Variants in ERO1B observed in about 807,000 individuals in gnomAD.
ERO1B encodes endoplasmic reticulum oxidoreductase 1 beta, also known as ERO1-like protein beta.
Under a neutral mutation model 75.3 loss-of-function variants are expected in ERO1B, and 49 were observed. That is an observed-to-expected ratio of 0.65 (90% confidence interval 0.52 to 0.83). ERO1B has a LOEUF of 0.83. Ranked by LOEUF, ERO1B falls within the 40% of genes least tolerant of loss-of-function variation. ERO1B has a pLI of 0.00. For missense variants in ERO1B, 512 were observed against 560.1 expected (o/e 0.91, Z 0.87); for synonymous variants, 191 against 192.9 (o/e 0.99, Z 0.08).
intron 6 of ERO1B, 37 bp from the exon 7 acceptor site, chr1:236,236,435 T>TC (rs1182187824): frequency 1.2e-6 from 2 of 1,607,886 alleles, no homozygotes; most frequent in Admixed American, 1.7e-5. Flanking sequence ...CATCCATATT[T>TC]CACCATTTAT....
At chr1:236,262,914 T>C (rs1726666) in intron 2 of ERO1B, among the ~76,000 whole-genome samples, 37,852 of 151,948 alleles carry the variant, frequency 0.25, 4,899 homozygotes, top group East Asian at 0.38. Flanking sequence ...TGGATCCTTA[T>C]TTCCTCTGGT....
chr1:236,228,214 T>C (rs954984986), intron 10 of ERO1B, among the ~76,000 whole-genome samples: 3 of 152,210 alleles, frequency 2.0e-5, no homozygotes, highest in African/African-American at 7.2e-5. Context: ...GAGGCAGTTA[T>C]AATTTGCAAA....
intron 8 of ERO1B, among the ~76,000 whole-genome samples, chr1:236,233,122 C>T (rs1034042794): frequency 5.9e-5 from 9 of 151,842 alleles, no homozygotes; most frequent in Admixed American, 5.3e-4. Context: ...CCAGCCTGGC[C>T]AACATGTGAA....
intron 14 of ERO1B, 55 bp downstream of exon 14, chr1:236,221,869 C>T: frequency 7.5e-7 from 1 of 1,324,802 alleles, no homozygotes; most frequent in Non-Finnish European, 1.1e-6. Context: ...AGCTTGGACT[C>T]AGTGGAAAAA....
In ERO1B at chr1:236,235,866, G is replaced by T. The variant is rs765732219; in HGVS notation, c.627-31C>A. On this transcript the variant is annotated intron_variant, in intron 7 of 15. Transcript: ENST00000354619. ...AAAGAAAGCATAATACCCAAACATA[G>T]AATGTTTTAACTTTTATAGTGTATA... The T allele has an allele frequency of 6.3e-6, 10 of 1,582,628 alleles. No individual in the cohort carries two copies. In the African/African-American group the frequency reaches 9.5e-5, roughly 15 times the overall value.
Position 236,220,828 on chromosome 1 carries a change from T to C in ERO1B, c.1343+4A>G, listed in dbSNP as rs199589932. 1,228 of 1,579,374 alleles carry C rather than the reference T, an allele frequency of 7.8e-4. 4 individuals carry two copies. The highest frequency in any genetic ancestry group is 6.4e-4 in the Non-Finnish European group (752 of 1,168,000). ...AAAAATCTTCAACATATAATGGTTC[T>C]TACCTTCCAAAAGCATTTAAAAGAG... On this transcript the variant is annotated splice_donor_region_variant and intron_variant, in intron 15 of 15. Transcript: ENST00000354619.
chr1:236,238,924 C>G (rs1418847557), intron 6 of ERO1B, among the ~76,000 whole-genome samples: 1 of 151,946 alleles, frequency 6.6e-6, no homozygotes, highest in Non-Finnish European at 1.5e-5. Flanking sequence ...TAAAAAATCA[C>G]AAGAGGAAAA....
rs1553371310 is a variant in ERO1B at position 236,239,911 on chromosome 1, A to ATATTTTTT, written c.505+3510_505+3511insAAAAAATA. ...TGTGTGTATATATATATATATATAT[A>ATATTTTTT]TTTTTTTTTTTTGCGATGAGGCTGA... On this transcript the variant is annotated intron_variant, in intron 6 of 15. Transcript: ENST00000354619. 3.9e-4 allele frequency among the ~76,000 whole-genome samples: 42 copies of ATATTTTTT among 106,942 alleles called. No homozygotes were observed. In the East Asian group the frequency reaches 6.2e-3, roughly 16 times the overall value. The allele number at this position is 106,942 out of a possible 152,430, so 70.2% of individuals were successfully genotyped here. A position where few individuals can be genotyped will look rare whatever the true frequency, so the allele number is the denominator to read the frequency against.
intron 1 of ERO1B, among the ~76,000 whole-genome samples, chr1:236,281,257 C>A (rs1665822182): frequency 6.6e-6 from 1 of 152,076 alleles, no homozygotes. Flanking sequence ...CTGCGGAGTG[C>A]CCCCAACTCT....
rs1176743514 is a variant in ERO1B, at chr1:236,217,958, T to C, written c.*558A>G. ...GGGAATCTTCAGGAATTTCTGTAAC[T>C]ATGCATTGAAAGGGCCATTCATCAT... is the stretch of plus-strand genomic sequence containing the variant. On this transcript the variant is annotated 3_prime_UTR_variant, in exon 16 of 16. Coordinates refer to ENST00000354619, the MANE Select transcript of ERO1B (RefSeq NM_019891.4). The C allele has an allele frequency of 2.0e-5, 3 of 152,188 alleles. No individual in the cohort carries two copies. Among genetic ancestry groups the C allele is most frequent in the Non-Finnish European group, 2.9e-5 (2 of 68,012 alleles). The allele number at this position is 152,188 out of a possible 1,614,324, so 9.4% of individuals were successfully genotyped here.
In ERO1B at chr1:236,239,861, A is replaced by ATATATATATGTGTGTATATATATATG. The variant is rs1664648570; in HGVS notation, c.506-3464_506-3463insCATATATATATACACACATATATATA. 2.6e-3 allele frequency among the ~76,000 whole-genome samples: 70 copies of ATATATATATGTGTGTATATATATATG among 27,174 alleles called. 6 individuals are homozygous for ATATATATATGTGTGTATATATATATG. The highest frequency in any genetic ancestry group is 3.3e-3 in the Non-Finnish European group (56 of 17,140). The allele number at this position is 27,174 out of a possible 152,430, so 17.8% of individuals were successfully genotyped here. ...TGTATATATATATGTGTATATATGT[A>ATATATATATGTGTGTATATATATATG]TATATATATGTGTATATGTGTGTGT... is the stretch of plus-strand genomic sequence containing the variant. On this transcript the variant is annotated intron_variant, in intron 6 of 15. Coordinates refer to ENST00000354619, the MANE Select transcript of ERO1B (RefSeq NM_019891.4).
intron 2 of ERO1B, among the ~76,000 whole-genome samples, chr1:236,256,349 A>G (rs781515900): frequency 3.3e-5 from 5 of 152,102 alleles, no homozygotes; most frequent in African/African-American, 4.8e-5. Context: ...TGCAAGGTGC[A>G]TGTGAGACTT....
chr1:236,275,525 TTCCCCAAC>T (rs1390173971), intron 1 of ERO1B, among the ~76,000 whole-genome samples: 2 of 152,186 alleles, frequency 1.3e-5, no homozygotes, highest in African/African-American at 2.4e-5. Context: ...AGTCAATGTA[TTCCCCAAC>T]CCGGAAGCTC....
rs1339214498 is a variant in ERO1B at position 236,269,375 on chromosome 1, G to T, written c.222+500C>A. Among the ~76,000 whole-genome samples, 35 of 152,124 alleles carry T rather than the reference G, an allele frequency of 2.3e-4. 1 individual carries two copies. The highest frequency in any genetic ancestry group is 1.5e-5 in the Non-Finnish European group (1 of 68,032). On this transcript the variant is annotated intron_variant, in intron 2 of 15. Coordinates refer to ENST00000354619, the MANE Select transcript of ERO1B (RefSeq NM_019891.4). ...AAGTATCACCGGTTATTTTGTAAAG[G>T]TCTAGAGTAGACTATTACTAGATTT...
intron 1 of ERO1B, among the ~76,000 whole-genome samples, chr1:236,280,830 T>TGCAGCAGGTGCAGACAACAA (rs1245957939): frequency 6.6e-6 from 1 of 152,192 alleles, no homozygotes; most frequent in African/African-American, 2.4e-5. Context: ...GCTGCCTCCT[T>TGCAGCAGGTGCAGACAACAA]GCAGCAGGTG....
chr1:236,219,416 C>T (rs1664077833), intron 15 of ERO1B, among the ~76,000 whole-genome samples: 1 of 152,078 alleles, frequency 6.6e-6, no homozygotes, highest in Admixed American at 6.5e-5. Context: ...AGAAAGGCTG[C>T]ATTTGTGAAT....
intron 10 of ERO1B, among the ~76,000 whole-genome samples, chr1:236,228,452 C>T (rs1362332238): frequency 1.3e-5 from 2 of 152,124 alleles, no homozygotes; most frequent in Non-Finnish European, 1.5e-5. Flanking sequence ...CTTTAATTAC[C>T]GAGGTCCAGG....
At chr1:236,248,511 T>C (rs1749552) in intron 5 of ERO1B, among the ~76,000 whole-genome samples, 37,735 of 152,086 alleles carry the variant, frequency 0.25, 4,875 homozygotes, top group East Asian at 0.38. Flanking sequence ...CATCCATCAA[T>C]AAGTGAATAG....
chr1:236,248,798 C>T (rs1232234256), intron 5 of ERO1B, among the ~76,000 whole-genome samples: 2 of 152,022 alleles, frequency 1.3e-5, no homozygotes, highest in Non-Finnish European at 2.9e-5. Flanking sequence ...TTAGGGAATA[C>T]AGCATAAGGG....
Sources: allele counts gnomAD v4.1 joint callset (sites outside exome capture counted in the v4.1 genomes callset), GRCh38; gene constraint gnomAD v4.1.1; transcripts MANE v1.5; gene names NCBI Gene and HGNC (gene_info 2026-07-23, HGNC 2026-07-21).